USP45: variants seen among roughly 807,000 people sequenced by gnomAD.
USP45 encodes ubiquitin carboxyl-terminal hydrolase 45.
In USP45, 89 loss-of-function variants were observed where a neutral mutation model predicts 95.8. The observed-to-expected ratio is 0.93, with a 90% CI of 0.78 to 1.11. USP45 has a LOEUF of 1.11. Among genes scored for constraint, USP45 ranks in the 50% least tolerant of loss-of-function variants. The pLI is 0.00. For missense variants in USP45, 898 were observed against 942.5 expected (o/e 0.95, Z 0.62); for synonymous variants, 281 against 316.2 (o/e 0.89, Z 1.18).
chr6:99,453,719 G>A (rs1784416919), intron 13 of USP45, among the ~76,000 whole-genome samples: 1 of 152,274 alleles, frequency 6.6e-6, no homozygotes, highest in East Asian at 1.9e-4. Flanking sequence ...AGCACTTTGG[G>A]AGGCTGAGGT....
chr6:99,464,944 C>T (rs1787548584), intron 12 of USP45, 136 bp downstream of exon 12: 2 of 946,226 alleles, frequency 2.1e-6, no homozygotes, highest in Admixed American at 6.4e-5. Flanking sequence ...CCAAATCAGA[C>T]TCAATTATGA....
rs1780247930 is a variant in USP45 at position 99,435,061 on chromosome 6, T to C, written c.*655A>G. ...TTATATGGTTGAATTGTATAAAATA[T>C]GACCAGGGAACTACACCGTATTAGG... On this transcript the variant is annotated 3_prime_UTR_variant, in exon 18 of 18. Coordinates refer to ENST00000500704, the MANE Select transcript of USP45 (RefSeq NM_001346022.3). The C allele has an allele frequency of 6.6e-6, 1 of 152,608 alleles. No individual in the cohort carries two copies. Among genetic ancestry groups the C allele is most frequent in the Admixed American group, 6.5e-5 (1 of 15,272 alleles). 9.5% of individuals were successfully genotyped at this position (152,608 alleles called of 1,614,324 possible).
In USP45 at chr6:99,443,540, TTATGG is replaced by T. The variant is rs1254212141; in HGVS notation, c.2073+20_2073+24del. The T allele has an allele frequency of 9.9e-6, 15 of 1,519,462 alleles. No individual in the cohort carries two copies. The highest frequency in any genetic ancestry group is 3.5e-5 in the Admixed American group (2 of 57,364). The allele number at this position is 1,519,462 out of a possible 1,614,324, so 94.1% of individuals were successfully genotyped here. A position where few individuals can be genotyped will look rare whatever the true frequency, so the allele number is the denominator to read the frequency against. On this transcript the variant is annotated intron_variant, in intron 15 of 17. Transcript: ENST00000500704. ...TGCTCTGTAAAACACATGATGAAAA[TTATGG>T]TGCTACTGAAGAAACTTACCTGATG...
intron 13 of USP45, among the ~76,000 whole-genome samples, chr6:99,458,316 G>C (rs946368780): frequency 1.3e-5 from 2 of 152,184 alleles, no homozygotes; most frequent in East Asian, 3.8e-4. Flanking sequence ...ACCGCACCCA[G>C]CCAGTATCAG....
At chr6:99,457,190 TGTGGTCC>T (rs1471404018) in intron 13 of USP45, among the ~76,000 whole-genome samples, 1 of 152,084 alleles carries the variant, frequency 6.6e-6, no homozygotes, top group Non-Finnish European at 1.5e-5. Flanking sequence ...ACCTCTGTCC[TGTGGTCC>T]TGTGATCTTG....
At position 99,464,699 on chromosome 6, in the gene USP45, G is replaced by T. The variant is rs138831539; in HGVS notation, c.1213C>A (p.Arg405=). ...CTGTATCGATCATGATCTGTCTCCC[G>T]TAAACTTCTATATTTATTCATTCTT... ...WGRMNKYRSL[R]ETDHDRYSGN... Residue 405 remains arginine (R), a synonymous_variant, in exon 13 of 18, where the codon CGG becomes AGG. Coordinates refer to ENST00000500704, the MANE Select transcript of USP45 (RefSeq NM_001346022.3). The T allele has an allele frequency of 1.2e-6, 2 of 1,611,900 alleles. No homozygotes were observed. The highest frequency in any genetic ancestry group is 2.7e-5 in the African/African-American group (2 of 74,946).
At chr6:99,447,234 G>A (rs1782735019) in intron 13 of USP45, among the ~76,000 whole-genome samples, 1 of 152,128 alleles carries the variant, frequency 6.6e-6, no homozygotes, top group South Asian at 2.1e-4. Flanking sequence ...TACCTGAAAT[G>A]TTTCACTAAA....
rs779493734 is a variant in USP45, at chr6:99,437,219, GA to G, written c.2314+26del. On this transcript the variant is annotated intron_variant, in intron 17 of 17. Transcript: ENST00000500704. ...GAAGCACATATTCGTTTGTTTTTAAGAATAAAATAAACTTAGGATGGCATAC... is the reference window on the plus strand; with the variant it reads ...GAAGCACATATTCGTTTGTTTTTAAGATAAAATAAACTTAGGATGGCATAC... The G allele has an allele frequency of 1.3e-5, 21 of 1,584,394 alleles. No homozygotes were observed. The East Asian group carries it at 4.3e-4, about 32-fold the overall frequency.
intron 13 of USP45, among the ~76,000 whole-genome samples, chr6:99,450,406 C>G (rs1368208011): frequency 1.3e-5 from 2 of 152,194 alleles, no homozygotes; most frequent in African/African-American, 4.8e-5. Context: ...CTATAAACAC[C>G]TCTACGCAAA....
At chr6:99,465,436 G>C (rs1450914151) in intron 11 of USP45, among the ~76,000 whole-genome samples, 1 of 152,004 alleles carries the variant, frequency 6.6e-6, no homozygotes, top group Non-Finnish European at 1.5e-5. Flanking sequence ...AAAGAGACTA[G>C]ACATTTTTGG....
chr6:99,452,051 A>G (rs1783981725), intron 13 of USP45, among the ~76,000 whole-genome samples: 1 of 152,242 alleles, frequency 6.6e-6, no homozygotes. Context: ...AAAGACTTAC[A>G]TGTTAGAGCT....
chr6:99,464,931 C>T (rs985154080), intron 12 of USP45, 149 bp downstream of exon 12: 65 of 940,528 alleles, frequency 6.9e-5, no homozygotes, highest in Non-Finnish European at 9.3e-5. Flanking sequence ...CTTACACAAA[C>T]CCCCAAATCA....
chr6:99,463,258 C>A (rs1786988749), intron 13 of USP45, among the ~76,000 whole-genome samples: 1 of 152,048 alleles, frequency 6.6e-6, no homozygotes, highest in East Asian at 1.9e-4. Context: ...AATAATAGAT[C>A]TAGACAATGG....
At chr6:99,512,304 C>T (rs1401135859) in intron 1 of USP45, among the ~76,000 whole-genome samples, 1 of 152,136 alleles carries the variant, frequency 6.6e-6, no homozygotes, top group Non-Finnish European at 1.5e-5. Flanking sequence ...GAGATTCTAC[C>T]TACCTAAAAA....
chr6:99,506,872 A>G (rs1262513284), intron 4 of USP45, among the ~76,000 whole-genome samples: 1 of 147,148 alleles, frequency 6.8e-6, no homozygotes, highest in African/African-American at 2.7e-5. Flanking sequence ...AAATCAACTA[A>G]AAAGAATTTT....
chr6:99,435,966 C>T (rs7745005), intron 17 of USP45, 120 bp from the exon 18 acceptor site: 982,836 of 986,622 alleles, frequency 1, 489,637 homozygotes, highest in East Asian at 1. Context: ...ACCTGAGAAG[C>T]CTGTTTTTTC....
chr6:99,501,311 G>A lies in USP45; in HGVS notation c.478+2454C>T, dbSNP rs76885429. 4.8e-3 allele frequency among the ~76,000 whole-genome samples: 725 copies of A among 151,132 alleles called. 7 individuals are homozygous for A. Among genetic ancestry groups the A allele is most frequent in the African/African-American group, 0.017 (689 of 41,132 alleles). ...TTTTTTAAAAAAATATGAAATTACC[G>A]TGATACCCCCCTGCTTAAAATACTT... On this transcript the variant is annotated intron_variant, in intron 5 of 17. Coordinates refer to ENST00000500704, the MANE Select transcript of USP45 (RefSeq NM_001346022.3).
chr6:99,475,149 A>G (rs997006140), intron 9 of USP45, among the ~76,000 whole-genome samples: 3 of 152,206 alleles, frequency 2.0e-5, no homozygotes, highest in Non-Finnish European at 4.4e-5. Flanking sequence ...CATACATGGA[A>G]CTATGACATA....
At chr6:99,511,354 T>G (rs1368122542) in intron 1 of USP45, among the ~76,000 whole-genome samples, 1 of 151,548 alleles carries the variant, frequency 6.6e-6, no homozygotes. Context: ...AGGGTTTCAC[T>G]GTGTTAGTCA....
Sources: gnomAD v4.1 joint callset for allele counts (sites outside exome capture counted in the v4.1 genomes callset) on GRCh38, gnomAD v4.1.1 for gene constraint, MANE v1.5 for transcripts, NCBI Gene and HGNC (gene_info 2026-07-23, HGNC 2026-07-21) for gene names.